Variants in TCERG1L observed in about 807,000 individuals in gnomAD.
TCERG1L encodes transcription elongation regulator 1 like, also known as transcription elongation regulator 1-like protein.
A neutral mutation model predicts 56.3 loss-of-function variants in TCERG1L; 37 were observed. The observed-to-expected ratio is 0.66, with a 90% CI of 0.51 to 0.87. The LOEUF is 0.87. Among genes scored for constraint, TCERG1L ranks in the 40% least tolerant of loss-of-function variants. The pLI, the probability that TCERG1L is intolerant of heterozygous loss-of-function variation, is 0.00. For synonymous variants in TCERG1L, 324 were observed against 326.3 expected, an observed-to-expected ratio of 0.99 and a Z score of 0.08; for missense variants, 799 against 774.2, an observed-to-expected ratio of 1.03 and a Z score of -0.38.
intron 4 of TCERG1L, among the ~76,000 whole-genome samples, chr10:131,252,920 T>C (rs1846127320): frequency 6.6e-6 from 1 of 152,050 alleles, no homozygotes; most frequent in Non-Finnish European, 1.5e-5. Flanking sequence ...AGACCAACTA[T>C]CTCCCCACCC....
At chr10:131,216,926 T>A (rs1049830609) in intron 4 of TCERG1L, among the ~76,000 whole-genome samples, 1 of 152,076 alleles carries the variant, frequency 6.6e-6, no homozygotes. Flanking sequence ...GAGGGTGGCA[T>A]CTCTACCCAG....
chr10:131,180,625 A>G (rs1845163214), intron 4 of TCERG1L, among the ~76,000 whole-genome samples: 1 of 152,172 alleles, frequency 6.6e-6, no homozygotes. Context: ...GTGTATTTTG[A>G]CCATGTTAAA....
chr10:131,096,997 C>G (rs1775961193), intron 11 of TCERG1L, among the ~76,000 whole-genome samples: 1 of 151,688 alleles, frequency 6.6e-6, no homozygotes, highest in Admixed American at 6.6e-5. Context: ...GTCAGGAGTT[C>G]AAGACCAGCC....
At chr10:131,152,663 G>T (rs1564802693) in intron 6 of TCERG1L, among the ~76,000 whole-genome samples, 1 of 152,116 alleles carries the variant, frequency 6.6e-6, no homozygotes, top group Non-Finnish European at 1.5e-5. Flanking sequence ...TATCCTTATA[G>T]CAGCACCCCA....
At chr10:131,098,554 A>G in intron 10 of TCERG1L, 130 bp from the exon 11 acceptor site, 1 of 1,177,366 alleles carries the variant, frequency 8.5e-7, no homozygotes. Flanking sequence ...CAGCTGCTGG[A>G]GTTATGAGCA....
intron 5 of TCERG1L, chr10:131,164,021 G>A (rs1386924163): frequency 6.6e-6 from 1 of 151,698 alleles, no homozygotes; most frequent in Non-Finnish European, 1.5e-5. Context: ...CAGCTACTCG[G>A]GAGGCTGAGG....
At chr10:131,179,216 G>C (rs1022053249) in intron 4 of TCERG1L, among the ~76,000 whole-genome samples, 1 of 152,208 alleles carries the variant, frequency 6.6e-6, no homozygotes, top group Non-Finnish European at 1.5e-5. Flanking sequence ...GCAGAGCAGC[G>C]GGGGCAGCCC....
At position 131,308,265 on chromosome 10, in the gene TCERG1L, C is replaced by A. The variant is rs767758650; in HGVS notation, c.616G>T (p.Ala206Ser). ...GTGGGGAGCGGCCTGGAGGCAGGAG[C>A]CGGCCTGGACAGAGACACAGCTACT... ...NQVAVSLSRP[A>S]PASRPLPTVV... Residue 206 changes from alanine to serine, a missense_variant, in exon 3 of 12, where the codon GCT (alanine) becomes TCT (serine). Transcript: ENST00000368642. 1 of 1,613,880 alleles carries A rather than the reference C, an allele frequency of 6.2e-7. No homozygotes were observed. Among genetic ancestry groups the A allele is most frequent in the East Asian group, 2.2e-5 (1 of 44,882 alleles).
At chr10:131,174,070 G>C (rs1463351958) in intron 4 of TCERG1L, among the ~76,000 whole-genome samples, 5 of 152,118 alleles carry the variant, frequency 3.3e-5, no homozygotes, top group Admixed American at 3.3e-4. Context: ...GTCCGGAAGA[G>C]CCAGGGTCCT....
At position 131,267,652 on chromosome 10, in the gene TCERG1L, T is replaced by C. The variant is rs906732537; in HGVS notation, c.671-7208A>G. ...CGGGTGCTTATGGGCTCCCAGGACATGGCAGAGTGTGAGGTTGAAGCTGTG... is the reference window on the plus strand; with the variant it reads ...CGGGTGCTTATGGGCTCCCAGGACACGGCAGAGTGTGAGGTTGAAGCTGTG... On this transcript the variant is annotated intron_variant, in intron 3 of 11. Transcript: ENST00000368642. This position sits in a 1 kb window ranked among gnomAD's most constrained non-coding sequence, Gnocchi z 4.9. Among the ~76,000 whole-genome samples, 1 of 152,204 alleles carries C rather than the reference T, an allele frequency of 6.6e-6. No individual in the cohort carries two copies. Among genetic ancestry groups the C allele is most frequent in the Non-Finnish European group, 1.5e-5 (1 of 68,030 alleles).
At position 131,269,182 on chromosome 10, in the gene TCERG1L, A is replaced by ATTTGTTTG. The variant is rs111682908; in HGVS notation, c.671-8746_671-8739dup. 1.7e-3 allele frequency among the ~76,000 whole-genome samples: 250 copies of ATTTGTTTG among 151,246 alleles called. 2 individuals are homozygous for ATTTGTTTG. The highest frequency in any genetic ancestry group is 0.014 in the South Asian group (68 of 4,802). ...TAAGGGATTAATTGATACAATTTCT[A>ATTTGTTTG]TTTGTTTGTTTGTTTGTTTTTTCAT... On this transcript the variant is annotated intron_variant, in intron 3 of 11. Transcript: ENST00000368642.
intron 8 of TCERG1L, among the ~76,000 whole-genome samples, chr10:131,120,028 T>C (rs1019077551): frequency 1.3e-5 from 2 of 152,024 alleles, no homozygotes; most frequent in Non-Finnish European, 2.9e-5. Flanking sequence ...ACGCCCAGGG[T>C]CCGCCCCTCC....
intron 4 of TCERG1L, among the ~76,000 whole-genome samples, chr10:131,217,874 A>G (rs1468744990): frequency 3.3e-5 from 5 of 151,802 alleles, no homozygotes; most frequent in Admixed American, 1.3e-4. Context: ...TGCGCCCGCC[A>G]CCACGCCCGG....
chr10:131,136,247 C>CA (rs1845674088), intron 7 of TCERG1L, among the ~76,000 whole-genome samples: 1 of 152,270 alleles, frequency 6.6e-6, no homozygotes, highest in Admixed American at 6.5e-5. Flanking sequence ...CACAGCCCAA[C>CA]ACAGCCCTCC....
At chr10:131,263,409 A>G (rs1348109251) in intron 3 of TCERG1L, among the ~76,000 whole-genome samples, 1 of 152,200 alleles carries the variant, frequency 6.6e-6, no homozygotes, top group African/African-American at 2.4e-5. Context: ...AACACTGTCC[A>G]TCTTTTGTTA....
chr10:131,268,333 A>G (rs1846306631), intron 3 of TCERG1L, among the ~76,000 whole-genome samples: 1 of 152,236 alleles, frequency 6.6e-6, no homozygotes, highest in African/African-American at 2.4e-5. Flanking sequence ...TCAGCAAACC[A>G]TGCTAGAAAC....
Position 131,260,283 on chromosome 10 carries a change from G to T in TCERG1L, c.832C>A (p.Pro278Thr), listed in dbSNP as rs1846221977. The T allele has an allele frequency of 7.1e-7, 1 of 1,409,136 alleles. No homozygotes were observed. Among genetic ancestry groups the T allele is most frequent in the Non-Finnish European group, 9.3e-7 (1 of 1,078,578 alleles). The allele number at this position is 1,409,136 out of a possible 1,614,324, so 87.3% of individuals were successfully genotyped here. Residue 278 changes from proline (P) to threonine (T), a missense_variant, in exon 4 of 12, where the codon CCC becomes ACC. Coordinates refer to ENST00000368642, the MANE Select transcript of TCERG1L (RefSeq NM_174937.4). This position sits in a 1 kb window ranked among gnomAD's most constrained non-coding sequence, Gnocchi z 5.8. The part of the protein sequence containing the change: ...HFLTLAPIKI[P>T]LRTSPVSDTR... ...CCTGAGACGGGGGACGTCCGGAGGG[G>T]TATTTTGATGGGTGCCAAGGTCAGG... is the stretch of plus-strand genomic sequence containing the variant.
chr10:131,207,312 T>C (rs974207792), intron 4 of TCERG1L, among the ~76,000 whole-genome samples: 1 of 151,852 alleles, frequency 6.6e-6, no homozygotes, highest in Non-Finnish European at 1.5e-5. Flanking sequence ...CCAGCATGAG[T>C]GTCACCTGGT....
intron 3 of TCERG1L, among the ~76,000 whole-genome samples, chr10:131,293,806 A>G (rs1368285423): frequency 6.6e-6 from 1 of 152,214 alleles, no homozygotes; most frequent in Admixed American, 6.5e-5. Flanking sequence ...GCAAGTTATT[A>G]ATTCTAATAG....
Sources: gnomAD v4.1 joint callset for allele counts (sites outside exome capture counted in the v4.1 genomes callset) on GRCh38, gnomAD v4.1.1 for gene constraint, Gnocchi (gnomAD v3.1) non-coding constraint, MANE v1.5 for transcripts, NCBI Gene and HGNC (gene_info 2026-07-23, HGNC 2026-07-21) for gene names.